Variants in MYCBP2 observed in about 807,000 individuals in gnomAD.
The protein encoded by MYCBP2 is E3 ubiquitin-protein ligase MYCBP2.
A neutral mutation model predicts 525.3 loss-of-function variants in MYCBP2; 120 were observed. That is an observed-to-expected ratio of 0.23 (90% CI 0.20 to 0.27). The LOEUF (loss-of-function observed/expected upper bound fraction) is 0.27. MYCBP2 is among the 10% of genes least tolerant of loss of function. The pLI is 1.00. For synonymous variants in MYCBP2, 1,894 were observed against 1,955.8 expected (o/e 0.97, Z 0.83); for missense variants, 4,149 against 5,657.1 (o/e 0.73, Z 8.55).
intron 1 of MYCBP2, among the ~76,000 whole-genome samples, chr13:77,324,383 T>C (rs937354772): frequency 1.3e-5 from 2 of 152,226 alleles, no homozygotes; most frequent in Admixed American, 6.5e-5. Flanking sequence ...TCTTCTCCTT[T>C]AACTTGTGTC....
chr13:77,294,127 T>TATATAC (rs1350132831), intron 2 of MYCBP2, among the ~76,000 whole-genome samples: 2 of 60,856 alleles, frequency 3.3e-5, no homozygotes, highest in Non-Finnish European at 7.7e-5. Flanking sequence ...TATATATATA[T>TATATAC]ATACATATAT....
intron 1 of MYCBP2, among the ~76,000 whole-genome samples, chr13:77,297,490 G>C (rs1371005960): frequency 6.6e-6 from 1 of 152,112 alleles, no homozygotes; most frequent in African/African-American, 2.4e-5. Flanking sequence ...CAGGGAGAAC[G>C]AAGGGGAGGA....
At chr13:77,276,841 G>GTTTTTTTTTTTTT in intron 4 of MYCBP2, among the ~76,000 whole-genome samples, 1 of 45,016 alleles carries the variant, frequency 2.2e-5, no homozygotes, top group African/African-American at 6.0e-5. Context: ...TTTTTTTTTG[G>GTTTTTTTTTTTTT]AGAGATAGGG....
At chr13:77,263,602 A>G (rs367562338) in intron 10 of MYCBP2, 49 bp downstream of exon 10, 3 of 1,522,994 alleles carry the variant, frequency 2.0e-6, no homozygotes, top group Non-Finnish European at 1.8e-6. Flanking sequence ...TAAGAGTATG[A>G]AAAATTGAAA....
intron 23 of MYCBP2, among the ~76,000 whole-genome samples, chr13:77,208,373 A>C (rs1354867584): frequency 6.6e-6 from 1 of 152,240 alleles, no homozygotes; most frequent in Non-Finnish European, 1.5e-5. Flanking sequence ...AGCTTGCAGA[A>C]ATACTTCCAC....
At chr13:77,273,391 A>C in intron 5 of MYCBP2, 81 bp downstream of exon 5, 1 of 1,248,016 alleles carries the variant, frequency 8.0e-7, no homozygotes. Flanking sequence ...GAGAAAAAGC[A>C]GAATTCCTAT....
intron 54 of MYCBP2, among the ~76,000 whole-genome samples, chr13:77,121,941 C>T (rs1210230545): frequency 6.6e-6 from 1 of 151,914 alleles, no homozygotes; most frequent in African/African-American, 2.4e-5. Context: ...AAGGAATTTT[C>T]ATTTGTTAAC....
chr13:77,277,633 C>T (rs958714566), intron 4 of MYCBP2, among the ~76,000 whole-genome samples: 1 of 152,150 alleles, frequency 6.6e-6, no homozygotes, highest in Non-Finnish European at 1.5e-5. Flanking sequence ...TTAGTCTAAA[C>T]CAGCAGTGTA....
intron 18 of MYCBP2, among the ~76,000 whole-genome samples, chr13:77,230,283 A>G (rs1464570473): frequency 6.6e-6 from 1 of 152,196 alleles, no homozygotes; most frequent in African/African-American, 2.4e-5. Flanking sequence ...AATTTTAACT[A>G]TTACCATCCT....
At position 77,327,066 on chromosome 13, in the gene MYCBP2, A is replaced by C; in HGVS notation, c.-291T>G. ...CGCCACCACCGCTACCACCGCCACC[A>C]CCGCCGGGGCTACCCGCAATGGGAA... On this transcript the variant is annotated 5_prime_UTR_variant, in exon 1 of 83. Transcript: ENST00000544440. 2.3e-6 allele frequency: 1 copy of C among 434,478 alleles called. No homozygotes were observed. 26.9% of individuals were successfully genotyped at this position (434,478 alleles called of 1,614,324 possible).
chr13:77,241,743 C>T (rs1486388427), intron 17 of MYCBP2, among the ~76,000 whole-genome samples: 2 of 152,142 alleles, frequency 1.3e-5, no homozygotes, highest in African/African-American at 4.8e-5. Context: ...GAACACTCTT[C>T]ATGTGCCAAG....
In MYCBP2 at chr13:77,066,095, G is replaced by T; in HGVS notation, c.12456-7C>A. 6.2e-7 allele frequency: 1 copy of T among 1,602,124 alleles called. No individual in the cohort carries two copies. Among genetic ancestry groups the T allele is most frequent in the South Asian group, 1.1e-5 (1 of 90,226 alleles). ...TTCACCTCGTCGGAGATAACTACAA[G>T]AAAAATTAGCACTTAAAAAGCCAAT... On this transcript the variant is annotated splice_polypyrimidine_tract_variant and splice_region_variant and intron_variant, in intron 71 of 82. Coordinates refer to ENST00000544440, the MANE Select transcript of MYCBP2 (RefSeq NM_015057.5).
At chr13:77,228,692 T>C (rs1362871988) in intron 18 of MYCBP2, among the ~76,000 whole-genome samples, 1 of 4,540 alleles carries the variant, frequency 2.2e-4, no homozygotes, top group Non-Finnish European at 7.5e-4. Flanking sequence ...ATGAATATGT[T>C]GTGTGTGTGT....
intron 8 of MYCBP2, 106 bp downstream of exon 8, chr13:77,267,735 T>C (rs2074305680): frequency 8.1e-6 from 7 of 867,264 alleles, no homozygotes; most frequent in African/African-American, 1.7e-5. Context: ...AACCCTTTTA[T>C]AAGCAAGCAC....
chr13:77,074,368 GGAAAA>G (rs2041934683), intron 68 of MYCBP2, among the ~76,000 whole-genome samples: 1 of 151,988 alleles, frequency 6.6e-6, no homozygotes, highest in South Asian at 2.1e-4. Flanking sequence ...CATTTCTAAA[GGAAAA>G]GAAGAGAATA....
intron 69 of MYCBP2, among the ~76,000 whole-genome samples, chr13:77,069,181 G>A (rs185008461): frequency 9.2e-5 from 14 of 152,270 alleles, no homozygotes; most frequent in Admixed American, 8.5e-4. Flanking sequence ...TGTTCATAAG[G>A]TGCTTTATAG....
intron 68 of MYCBP2, among the ~76,000 whole-genome samples, chr13:77,074,426 A>AT (rs1166991603): frequency 1.3e-5 from 2 of 152,180 alleles, no homozygotes; most frequent in African/African-American, 4.8e-5. Context: ...AAAATCATGA[A>AT]TCAAAAAAAC....
chr13:77,169,883 A>G (rs2058973350), intron 38 of MYCBP2, among the ~76,000 whole-genome samples, 169 bp from the exon 39 acceptor site: 2 of 152,234 alleles, frequency 1.3e-5, no homozygotes, highest in African/African-American at 2.4e-5. Context: ...TTGAGAATAC[A>G]TGCCTTATCT....
intron 55 of MYCBP2, 184 bp downstream of exon 55, chr13:77,121,189 A>G (rs2050631327): frequency 1.9e-6 from 1 of 528,738 alleles, no homozygotes; most frequent in African/African-American, 2.0e-5. Flanking sequence ...TAAAAACAAA[A>G]AACAACAGCA....
Sources: gnomAD v4.1 joint callset for allele counts (sites outside exome capture counted in the v4.1 genomes callset) on GRCh38, gnomAD v4.1.1 for gene constraint, MANE v1.5 for transcripts, NCBI Gene and HGNC (gene_info 2026-07-23, HGNC 2026-07-21) for gene names.